LINGO2: variants seen among roughly 807,000 people sequenced by gnomAD.
LINGO2 encodes leucine-rich repeat and immunoglobulin-like domain-containing nogo receptor-interacting protein 2.
A neutral mutation model predicts 30.6 loss-of-function variants in LINGO2; 14 were observed. That is an observed-to-expected ratio of 0.46 (90% CI 0.30 to 0.72). LINGO2 has a LOEUF of 0.72. Among genes scored for constraint, LINGO2 ranks in the 30% least tolerant of loss-of-function variants. The probability of loss-of-function intolerance (pLI) is 0.07; values close to 1 mark genes in which losing one functional copy is unlikely to be tolerated. For synonymous variants in LINGO2, 317 were observed against 288.5 expected (o/e 1.10, Z -1.00); for missense variants, 729 against 751.7 (o/e 0.97, Z 0.35).
At chr9:29,062,630 G>A in the LINGO2 span, among the ~76,000 whole-genome samples, 1 of 152,088 alleles carries the variant, frequency 6.6e-6, no homozygotes, top group South Asian at 2.1e-4. Flanking sequence ...GATGCCTAGA[G>A]TAGTCAAATC....
At chr9:27,963,168 A>G (rs895356627) in intron 5 of LINGO2, among the ~76,000 whole-genome samples, 2 of 152,252 alleles carry the variant, frequency 1.3e-5, no homozygotes, top group African/African-American at 4.8e-5. Flanking sequence ...TTAATTTTTG[A>G]TAACACAGAA....
At chr9:28,680,492 G>A in the LINGO2 span, among the ~76,000 whole-genome samples, 640 of 152,138 alleles carry the variant, frequency 4.2e-3, 3 homozygotes, top group African/African-American at 0.012. Context: ...TAGGATAGCT[G>A]CATCATATGG....
At chr9:29,182,033 C>T in the LINGO2 span, among the ~76,000 whole-genome samples, 3 of 152,108 alleles carry the variant, frequency 2.0e-5, no homozygotes, top group East Asian at 5.8e-4. Context: ...TGGGGGTGGC[C>T]CTGAGTGCGC....
chr9:29,000,561 T>G, the LINGO2 span, among the ~76,000 whole-genome samples: 1 of 151,994 alleles, frequency 6.6e-6, no homozygotes, highest in Non-Finnish European at 1.5e-5. Context: ...GGTTTAGAAC[T>G]CTAGTCATGA....
the LINGO2 span, among the ~76,000 whole-genome samples, chr9:28,991,013 G>A: frequency 6.6e-6 from 1 of 152,212 alleles, no homozygotes; most frequent in African/African-American, 2.4e-5. Context: ...AAGCTGGATG[G>A]AGAATGACTT....
intron 1 of LINGO2, among the ~76,000 whole-genome samples, chr9:28,547,846 G>C (rs140144371): frequency 1.5e-4 from 23 of 152,228 alleles, no homozygotes; most frequent in African/African-American, 5.1e-4. Flanking sequence ...GTCTTCATCT[G>C]TATTGCCTTT....
intron 1 of LINGO2, among the ~76,000 whole-genome samples, chr9:28,646,365 G>A (rs751886675): frequency 1.4e-4 from 22 of 151,972 alleles, no homozygotes; most frequent in South Asian, 2.1e-4. Context: ...CACACATCAC[G>A]GCTAAAGCTC....
the LINGO2 span, among the ~76,000 whole-genome samples, chr9:28,873,412 A>G: frequency 6.6e-6 from 1 of 151,134 alleles, no homozygotes. Flanking sequence ...AAAAGAAACT[A>G]TTTCTTCTAA....
At chr9:28,719,403 C>T in the LINGO2 span, among the ~76,000 whole-genome samples, 2 of 152,082 alleles carry the variant, frequency 1.3e-5, no homozygotes, top group Admixed American at 6.6e-5. Flanking sequence ...CCATTCACTC[C>T]TCACACTAAT....
the LINGO2 span, among the ~76,000 whole-genome samples, chr9:29,163,289 G>A: frequency 2.0e-5 from 3 of 152,160 alleles, 1 homozygote; most frequent in South Asian, 6.2e-4. Flanking sequence ...CTAAAATAGG[G>A]TTTACAGAAA....
the LINGO2 span, among the ~76,000 whole-genome samples, chr9:28,892,449 C>A: frequency 6.6e-6 from 1 of 151,960 alleles, no homozygotes; most frequent in African/African-American, 2.4e-5. Flanking sequence ...CATGCTTATT[C>A]TTGATACTGA....
intron 1 of LINGO2, among the ~76,000 whole-genome samples, chr9:28,527,823 C>T (rs1238169408): frequency 6.6e-6 from 1 of 152,102 alleles, no homozygotes; most frequent in East Asian, 1.9e-4. Flanking sequence ...AGTGTCTGCA[C>T]CTGACCTGGA....
the LINGO2 span, among the ~76,000 whole-genome samples, chr9:29,084,951 G>A: frequency 6.6e-6 from 1 of 151,878 alleles, no homozygotes; most frequent in South Asian, 2.1e-4. Context: ...TCGATAGAAA[G>A]AGCTCAAGTA....
At chr9:28,467,998 TA>T (rs1221863343) in intron 2 of LINGO2, among the ~76,000 whole-genome samples, 1 of 152,148 alleles carries the variant, frequency 6.6e-6, no homozygotes, top group East Asian at 1.9e-4. Context: ...TAAAAACTTT[TA>T]AAAAATAATC....
At chr9:28,977,295 A>T in the LINGO2 span, among the ~76,000 whole-genome samples, 685 of 152,104 alleles carry the variant, frequency 4.5e-3, 2 homozygotes, top group Non-Finnish European at 7.2e-3. Flanking sequence ...TGTCCTGCAT[A>T]AGTTCCTTTT....
At chr9:28,328,594 G>A (rs1399097348) in intron 3 of LINGO2, among the ~76,000 whole-genome samples, 1 of 150,620 alleles carries the variant, frequency 6.6e-6, no homozygotes, top group African/African-American at 2.4e-5. Context: ...AATTTAGAAT[G>A]CTAACCTTAA....
intron 1 of LINGO2, among the ~76,000 whole-genome samples, chr9:28,488,261 TA>T (rs1374436725): frequency 5.3e-5 from 8 of 152,140 alleles, no homozygotes; most frequent in Admixed American, 5.2e-4. Flanking sequence ...TGCAGAACTC[TA>T]AAAAGACATT....
At chr9:28,964,655 T>G in the LINGO2 span, among the ~76,000 whole-genome samples, 2 of 151,890 alleles carry the variant, frequency 1.3e-5, no homozygotes, top group Non-Finnish European at 2.9e-5. Context: ...GGCAACCAGT[T>G]AGGGTAATTT....
At chr9:28,002,623 C>G (rs1442409241) in intron 5 of LINGO2, among the ~76,000 whole-genome samples, 1 of 152,128 alleles carries the variant, frequency 6.6e-6, no homozygotes, top group Non-Finnish European at 1.5e-5. Context: ...GCTACTTAGT[C>G]TGTTTGACAG....
Sources: gnomAD v4.1 joint callset for allele counts (sites outside exome capture counted in the v4.1 genomes callset) on GRCh38, gnomAD v4.1.1 for gene constraint, MANE v1.5 for transcripts, NCBI Gene and HGNC (gene_info 2026-07-23, HGNC 2026-07-21) for gene names.